HHLA1: variants seen among roughly 807,000 people sequenced by gnomAD.
HHLA1 encodes HERV-H LTR-associating protein 1.
A neutral mutation model predicts 69.9 loss-of-function variants in HHLA1; 72 were observed. The observed-to-expected ratio is 1.03, with a 90% CI of 0.85 to 1.25. The LOEUF is 1.25. HHLA1 is among the 50% of genes most tolerant of loss of function. The pLI is 0.00. For missense variants in HHLA1, 685 were observed against 642.2 expected (o/e 1.07, Z -0.72); for synonymous variants, 252 against 233.2 (o/e 1.08, Z -0.73).
chr8:132,092,733 C>A (rs986990114), intron 7 of HHLA1, among the ~76,000 whole-genome samples: 2 of 152,132 alleles, frequency 1.3e-5, no homozygotes, highest in African/African-American at 4.8e-5. Context: ...CTGATTAGAC[C>A]TCTTCTCTTT....
intron 8 of HHLA1, among the ~76,000 whole-genome samples, chr8:132,088,703 C>A (rs1251088535): frequency 6.6e-6 from 1 of 152,166 alleles, no homozygotes; most frequent in Non-Finnish European, 1.5e-5. Flanking sequence ...AGGATAGTGA[C>A]ATAAGAGCAC....
At chr8:132,095,390 G>A (rs761008015) in intron 7 of HHLA1, 129 bp downstream of exon 7, 5 of 539,672 alleles carry the variant, frequency 9.3e-6, no homozygotes, top group Non-Finnish European at 1.7e-5. Context: ...GATAATGAAT[G>A]AGCACATGGT....
Position 132,087,718 on chromosome 8 carries a change from C to T in HHLA1, c.611G>A (p.Trp204Ter). The T allele has an allele frequency of 6.4e-7, 1 of 1,551,386 alleles. No homozygotes were observed. Among genetic ancestry groups the T allele is most frequent in the Non-Finnish European group, 8.7e-7 (1 of 1,146,774 alleles). The part of the protein sequence containing the change: ...GKSGRNLSDF[W>*]EIEEKYPIIN... Reference sequence around the variant, plus strand: ...AATGGGATATTTTTCTTCTATCTCCCAGAAGTCAGAAAGATTCCTTCCTGC... The same window carrying T: ...AATGGGATATTTTTCTTCTATCTCCTAGAAGTCAGAAAGATTCCTTCCTGC... The change falls in exon 10 of 17, where the codon TGG (tryptophan) becomes TAG (stop). Residue 204 changes from tryptophan (W) to a stop codon, truncating the protein, a stop_gained. Coordinates refer to ENST00000414222, the MANE Select transcript of HHLA1 (RefSeq NM_001145095.3). LOFTEE classifies it high-confidence loss of function.
chr8:132,097,106 T>C (rs1231336328), intron 5 of HHLA1, among the ~76,000 whole-genome samples: 1 of 152,186 alleles, frequency 6.6e-6, no homozygotes, highest in Non-Finnish European at 1.5e-5. Flanking sequence ...TATTGCCCTC[T>C]GGAGACCCCA....
At position 132,101,425 on chromosome 8, in the gene HHLA1, C is replaced by T. The variant is rs181182376; in HGVS notation, c.140-1291G>A. ...ATTTGATGTACCTAAATTTGATGTA[C>T]CATATTGGGCTAGTGGCTAAGATAA... On this transcript the variant is annotated intron_variant, in intron 3 of 16. Transcript: ENST00000414222. 2.0e-3 allele frequency among the ~76,000 whole-genome samples: 309 copies of T among 152,226 alleles called. 2 individuals are homozygous for T. The highest frequency in any genetic ancestry group is 7.1e-3 in the African/African-American group (295 of 41,528).
chr8:132,102,235 T>G (rs1384642140), intron 3 of HHLA1, among the ~76,000 whole-genome samples: 1 of 152,258 alleles, frequency 6.6e-6, no homozygotes, highest in Non-Finnish European at 1.5e-5. Context: ...CCTTTTCCTG[T>G]TTATCCGTCA....
At position 132,098,717 on chromosome 8, in the gene HHLA1, G is replaced by A. The variant is rs760581475; in HGVS notation, c.280+165C>T. 3.3e-5 allele frequency among the ~76,000 whole-genome samples: 5 copies of A among 151,686 alleles called. No homozygotes were observed. The East Asian group carries it at 5.8e-4, about 18-fold the overall frequency. ...GCTCAAGCAGCTTCCCAAAGTGCTG[G>A]GATTACAGGCGTGAGACACTGAGCT... On this transcript the variant is annotated intron_variant, in intron 5 of 16. Transcript: ENST00000414222.
intron 13 of HHLA1, 25 bp from the exon 14 acceptor site, chr8:132,076,154 C>T (rs1466659792): frequency 2.6e-6 from 4 of 1,514,106 alleles, no homozygotes; most frequent in African/African-American, 2.8e-5. Flanking sequence ...AATGGCCTTC[C>T]AGAAGTCAGA....
chr8:132,074,784 G>A (rs1302058761), intron 14 of HHLA1, among the ~76,000 whole-genome samples: 1 of 152,164 alleles, frequency 6.6e-6, no homozygotes, highest in Non-Finnish European at 1.5e-5. Flanking sequence ...GGATGGATAG[G>A]TGGGTTAATT....
At position 132,081,936 on chromosome 8, in the gene HHLA1, C is replaced by T. The variant is rs529638502; in HGVS notation, c.677-1970G>A. 4.0e-3 allele frequency among the ~76,000 whole-genome samples: 615 copies of T among 152,256 alleles called. 3 individuals carry two copies. The highest frequency in any genetic ancestry group is 0.014 in the African/African-American group (585 of 41,552). On this transcript the variant is annotated intron_variant, in intron 10 of 16. Coordinates refer to ENST00000414222, the MANE Select transcript of HHLA1 (RefSeq NM_001145095.3). ...CTAGTGGCTTGTACTATAGTATAAC[C>T]TGCCTTTGCTGGTGTGTGGCGATTA... is the stretch of plus-strand genomic sequence containing the variant.
intron 4 of HHLA1, 80 bp from the exon 5 acceptor site, chr8:132,099,042 A>C: frequency 9.1e-7 from 1 of 1,099,980 alleles, no homozygotes; most frequent in South Asian, 1.4e-5. Context: ...AACTTCAGGC[A>C]GATATTCAAC....
chr8:132,071,595 C>A, intron 14 of HHLA1, 102 bp from the exon 15 acceptor site: 1 of 1,072,884 alleles, frequency 9.3e-7, no homozygotes, highest in South Asian at 1.6e-5. Flanking sequence ...GTCCTGATCT[C>A]ACGTAGCTCT....
Position 132,076,124 on chromosome 8 carries a change from G to C in HHLA1, c.1246C>G (p.Leu416Val). ...GCAGTGAATGGCCACTCTGCAGAGAGATCACCTGCAAAGGGCAGGAATGGC... is the reference window on the plus strand; with the variant it reads ...GCAGTGAATGGCCACTCTGCAGAGACATCACCTGCAAAGGGCAGGAATGGC... The part of the protein sequence containing the change: ...TAPRYPQTGD[L>V]SAEWPFTAGE... The change falls in exon 14 of 17, where the codon CTC (leucine) becomes GTC (valine). Residue 416 changes from leucine (L) to valine (V), a missense_variant. Physicochemically the swap from Leu to Val is conservative, Grantham distance 32. Transcript: ENST00000414222. 2 of 1,550,532 alleles carry C rather than the reference G, an allele frequency of 1.3e-6. No individual in the cohort carries two copies. Among genetic ancestry groups the C allele is most frequent in the Non-Finnish European group, 1.7e-6 (2 of 1,146,390 alleles).
chr8:132,099,749 G>T (rs1303487738), intron 4 of HHLA1, among the ~76,000 whole-genome samples: 7 of 152,122 alleles, frequency 4.6e-5, no homozygotes, highest in Admixed American at 2.0e-4. Context: ...AGCTACTTGG[G>T]AGGCTGAGGC....
intron 10 of HHLA1, among the ~76,000 whole-genome samples, chr8:132,082,683 C>T (rs2116461): frequency 3.4e-4 from 52 of 151,848 alleles, no homozygotes; most frequent in African/African-American, 1.2e-3. Context: ...GAGGCTGGGA[C>T]GAGGGGTGCA....
Position 132,079,734 on chromosome 8 carries a change from G to A in HHLA1, c.909C>T (p.His303=). The change falls in exon 11 of 17, where the codon CAC becomes CAT. Residue 303 remains histidine (H), a synonymous_variant. Transcript: ENST00000414222. ...RATATWFSAS[H]TLPALATRRV... ...GCATCTTACCCAAGGCTGGGAGAGT[G>A]TGGGAGGCACTGAACCATGTGGCTG... 6.4e-7 allele frequency: 1 copy of A among 1,550,402 alleles called. No individual in the cohort carries two copies. Among genetic ancestry groups the A allele is most frequent in the Non-Finnish European group, 8.7e-7 (1 of 1,146,392 alleles).
At chr8:132,086,350 T>A (rs1278893178) in intron 10 of HHLA1, among the ~76,000 whole-genome samples, 1 of 152,126 alleles carries the variant, frequency 6.6e-6, no homozygotes, top group East Asian at 1.9e-4. Context: ...GAATGTGAAC[T>A]GTCTAATTGC....
intron 14 of HHLA1, 68 bp downstream of exon 14, chr8:132,075,987 T>G: frequency 8.5e-7 from 1 of 1,175,456 alleles, no homozygotes. Flanking sequence ...AAACCTCTCC[T>G]TATTCTACTA....
intron 7 of HHLA1, among the ~76,000 whole-genome samples, chr8:132,093,522 C>G (rs1823975926): frequency 6.6e-6 from 1 of 152,144 alleles, no homozygotes; most frequent in East Asian, 1.9e-4. Flanking sequence ...AAGTTGTTGG[C>G]CTACGTGTAC....
Sources: gnomAD v4.1 joint callset for allele counts (sites outside exome capture counted in the v4.1 genomes callset) on GRCh38, gnomAD v4.1.1 for gene constraint, MANE v1.5 for transcripts, NCBI Gene and HGNC (gene_info 2026-07-23, HGNC 2026-07-21) for gene names.